Variants in PDE10A observed in about 807,000 individuals in gnomAD.
The protein encoded by PDE10A is phosphodiesterase 10A.
In PDE10A, 39 loss-of-function variants were observed where a neutral mutation model predicts 97.7. That is an observed-to-expected ratio of 0.40 (90% CI 0.31 to 0.52). The LOEUF (loss-of-function observed/expected upper bound fraction) is 0.52, where lower values mean the gene tolerates loss of function less well. Ranked by LOEUF, PDE10A falls within the 20% of genes least tolerant of loss-of-function variation. The pLI is 0.56. For missense variants in PDE10A, 731 were observed against 1,047.8 expected (o/e 0.70, Z 4.17); for synonymous variants, 371 against 376.8 (o/e 0.98, Z 0.18).
intron 1 of PDE10A, among the ~76,000 whole-genome samples, chr6:165,575,171 G>T (rs1785240213): frequency 6.6e-6 from 1 of 152,158 alleles, no homozygotes; most frequent in Admixed American, 6.5e-5. Flanking sequence ...AAGCACCACA[G>T]AATTCTTTGC....
chr6:165,510,761 C>G (rs930615836), intron 2 of PDE10A, among the ~76,000 whole-genome samples: 1 of 151,924 alleles, frequency 6.6e-6, no homozygotes, highest in African/African-American at 2.4e-5. Flanking sequence ...TGGTAGAATG[C>G]ATGCAGCCCG....
At position 165,412,641 on chromosome 6, in the gene PDE10A, C is replaced by A. The variant is rs112933680; in HGVS notation, c.2076+860G>T. Among the ~76,000 whole-genome samples, 1,333 of 152,028 alleles carry A rather than the reference C, an allele frequency of 8.8e-3. 50 individuals are homozygous for A. The highest frequency in any genetic ancestry group is 0.087 in the South Asian group (419 of 4,818). ...GCACAAACTGAATTAAAAACGGTTA[C>A]CCTCGGTCACCAGAAGTTAAGTTTT... On this transcript the variant is annotated intron_variant, in intron 13 of 21. Transcript: ENST00000539869.
chr6:165,684,148 C>T (rs1791052352), intron 1 of PDE10A, among the ~76,000 whole-genome samples: 1 of 152,176 alleles, frequency 6.6e-6, no homozygotes, highest in African/African-American at 2.4e-5. Context: ...TCCCCTGCCT[C>T]CTTCTTGTCT....
rs538530817 is a variant in PDE10A at position 165,623,467 on chromosome 6, A to C, written c.865+38480T>G. Among the ~76,000 whole-genome samples, 9 of 151,868 alleles carry C rather than the reference A, an allele frequency of 5.9e-5. No homozygotes were observed. In the South Asian group the frequency reaches 1.3e-3, roughly 21 times the overall value. On this transcript the variant is annotated intron_variant, in intron 1 of 21. Transcript: ENST00000539869. The stretch of plus-strand genomic sequence containing the variant: ...AAGAACAGCCTAATACAGCCTTTTA[A>C]CCTATGACATAGGAATTGATGACAG...
At chr6:165,643,592 G>T (rs1314634070) in intron 1 of PDE10A, among the ~76,000 whole-genome samples, 2 of 152,128 alleles carry the variant, frequency 1.3e-5, no homozygotes, top group Non-Finnish European at 2.9e-5. Flanking sequence ...AATAAGCCAG[G>T]CACAGAAAGA....
intron 1 of PDE10A, among the ~76,000 whole-genome samples, chr6:165,981,871 G>A (rs559902127): frequency 6.6e-5 from 10 of 152,302 alleles, no homozygotes; most frequent in African/African-American, 2.2e-4. Context: ...AGAGATAGGC[G>A]ATCTGAGCAA....
intron 1 of PDE10A, among the ~76,000 whole-genome samples, chr6:165,759,800 G>T (rs997127057): frequency 8.5e-4 from 129 of 152,194 alleles, no homozygotes; most frequent in African/African-American, 2.9e-3. Flanking sequence ...GGAGGCCCAG[G>T]CATTTGGGCT....
intron 1 of PDE10A, among the ~76,000 whole-genome samples, chr6:165,787,062 T>A (rs929242402): frequency 2.7e-4 from 41 of 152,276 alleles, no homozygotes; most frequent in Non-Finnish European, 3.5e-4. Context: ...TTCAATTTAA[T>A]GAATAAGACC....
At position 165,626,190 on chromosome 6, in the gene PDE10A, G is replaced by A. The variant is rs528702928; in HGVS notation, c.865+35757C>T. On this transcript the variant is annotated intron_variant, in intron 1 of 21. Coordinates refer to ENST00000539869, the MANE Select transcript of PDE10A (RefSeq NM_001385079.1). ...GAGGAAATTCTTAGTTCTCTCCCTC[G>A]CATAAGAAAGTCTCTTAGATCAGGG... 8.5e-5 allele frequency among the ~76,000 whole-genome samples: 13 copies of A among 152,258 alleles called. 1 individual carries two copies. The highest frequency in any genetic ancestry group is 1.3e-4 in the Non-Finnish European group (9 of 68,022).
intron 1 of PDE10A, among the ~76,000 whole-genome samples, chr6:165,934,058 A>C (rs531168431): frequency 6.7e-5 from 10 of 148,524 alleles, no homozygotes; most frequent in African/African-American, 2.3e-4. Context: ...ATCTCGGCTC[A>C]CTGCAACCTC....
chr6:165,665,055 C>T (rs1790464036), upstream of PDE10A, among the ~76,000 whole-genome samples: 1 of 152,170 alleles, frequency 6.6e-6, no homozygotes, highest in Non-Finnish European at 1.5e-5. Context: ...GTTTACCTTT[C>T]GTCCTTTTCT....
chr6:165,751,665 C>T (rs867455366), intron 1 of PDE10A, among the ~76,000 whole-genome samples: 13 of 152,118 alleles, frequency 8.5e-5, no homozygotes, highest in South Asian at 2.1e-4. Context: ...CAGCAGATGA[C>T]GATAAAAGCG....
At chr6:165,833,275 T>C (rs1779975807) in intron 1 of PDE10A, among the ~76,000 whole-genome samples, 1 of 152,210 alleles carries the variant, frequency 6.6e-6, no homozygotes, top group Admixed American at 6.5e-5. Context: ...AGGCAATTTG[T>C]CCAGCCTCAA....
At chr6:165,380,161 C>A (rs1784844464) in intron 17 of PDE10A, among the ~76,000 whole-genome samples, 2 of 152,034 alleles carry the variant, frequency 1.3e-5, no homozygotes, top group African/African-American at 2.4e-5. Flanking sequence ...GGGAAAAAAA[C>A]CCTTTGTTGA....
intron 1 of PDE10A, among the ~76,000 whole-genome samples, chr6:165,570,881 C>T (rs533508398): frequency 6.6e-6 from 1 of 152,188 alleles, no homozygotes; most frequent in African/African-American, 2.4e-5. Context: ...TTCCTACAAG[C>T]CTTTGGTGAC....
intron 10 of PDE10A, among the ~76,000 whole-genome samples, chr6:165,427,421 C>T (rs1176925817): frequency 6.6e-6 from 1 of 151,870 alleles, no homozygotes; most frequent in Non-Finnish European, 1.5e-5. Context: ...ATTGGTAAAC[C>T]CATGGAGAAA....
At chr6:165,419,317 T>C (rs1404693241) in intron 10 of PDE10A, among the ~76,000 whole-genome samples, 1 of 152,234 alleles carries the variant, frequency 6.6e-6, no homozygotes, top group Non-Finnish European at 1.5e-5. Flanking sequence ...TGATGTACTG[T>C]CTAATAAAAA....
At chr6:165,378,818 C>A (rs1014710679) in intron 18 of PDE10A, among the ~76,000 whole-genome samples, 1 of 152,192 alleles carries the variant, frequency 6.6e-6, no homozygotes, top group Non-Finnish European at 1.5e-5. Flanking sequence ...GGACTGGATT[C>A]TGGAAATAGA....
chr6:165,546,877 A>C (rs1179945961), intron 1 of PDE10A, among the ~76,000 whole-genome samples: 1 of 152,150 alleles, frequency 6.6e-6, no homozygotes, highest in African/African-American at 2.4e-5. Flanking sequence ...ATATCTCATA[A>C]ATACACACAA....
Sources: gnomAD v4.1 joint callset for allele counts (sites outside exome capture counted in the v4.1 genomes callset) on GRCh38, gnomAD v4.1.1 for gene constraint, MANE v1.5 for transcripts, NCBI Gene and HGNC (gene_info 2026-07-23, HGNC 2026-07-21) for gene names.